ABCA12: variants seen among roughly 807,000 people sequenced by gnomAD.
ABCA12 encodes the protein ATP binding cassette subfamily A member 12.
Under a neutral mutation model 293.5 loss-of-function variants are expected in ABCA12, and 156 were observed. That is an observed-to-expected ratio of 0.53 (90% CI 0.47 to 0.61). The LOEUF (loss-of-function observed/expected upper bound fraction) is 0.61, where lower values mean the gene tolerates loss of function less well. Ranked by LOEUF, ABCA12 falls within the 20% of genes least tolerant of loss-of-function variation. The pLI, the probability that ABCA12 is intolerant of heterozygous loss-of-function variation, is 0.00. For missense variants in ABCA12, 2,797 were observed against 3,090.2 expected, an observed-to-expected ratio of 0.91 and a Z score of 2.25; for synonymous variants, 1,063 against 1,108.0, an observed-to-expected ratio of 0.96 and a Z score of 0.81.
Position 214,990,686 on chromosome 2 carries a change from C to T in ABCA12, c.3624+16G>A, listed in dbSNP as rs1699891578. On this transcript the variant is annotated intron_variant, in intron 24 of 52. Coordinates refer to ENST00000272895, the MANE Select transcript of ABCA12 (RefSeq NM_173076.3). ...ATGGGTAATTTCCCACTCTGCCATT[C>T]CAACGGTTGACTTACCATGAACACT... The T allele has an allele frequency of 1.2e-6, 2 of 1,613,018 alleles. No individual in the cohort carries two copies. Among genetic ancestry groups the T allele is most frequent in the Non-Finnish European group, 1.7e-6 (2 of 1,179,144 alleles).
chr2:214,956,878 T>C, intron 41 of ABCA12, 100 bp from the exon 42 acceptor site: 1 of 767,544 alleles, frequency 1.3e-6, no homozygotes, highest in Non-Finnish European at 2.3e-6. Flanking sequence ...CAAGTTGACC[T>C]AGAAAAATTT....
intron 52 of ABCA12, 31 bp from the exon 53 acceptor site, chr2:214,932,772 T>C: frequency 1.3e-6 from 2 of 1,513,058 alleles, no homozygotes; most frequent in South Asian, 2.2e-5. Flanking sequence ...AAGCCATTAA[T>C]GCCTGGTAAG....
chr2:215,066,773 G>C (rs1701647383), intron 2 of ABCA12, among the ~76,000 whole-genome samples: 2 of 152,148 alleles, frequency 1.3e-5, no homozygotes, highest in Admixed American at 1.3e-4. Context: ...AGCTAACAGA[G>C]TGCCATGCAG....
chr2:214,991,064 T>G (rs1250504377), intron 23 of ABCA12, 33 bp from the exon 24 acceptor site: 2 of 1,575,618 alleles, frequency 1.3e-6, no homozygotes, highest in Non-Finnish European at 1.7e-6. Context: ...GCGCTTGTTA[T>G]GCTGATATTC....
intron 2 of ABCA12, among the ~76,000 whole-genome samples, chr2:215,093,782 A>C (rs1702196610): frequency 6.6e-6 from 1 of 152,062 alleles, no homozygotes; most frequent in Non-Finnish European, 1.5e-5. Context: ...TGAGTCTCCC[A>C]CAATTACCAT....
intron 5 of ABCA12, among the ~76,000 whole-genome samples, chr2:215,051,695 G>A (rs1302304377): frequency 1.3e-5 from 2 of 151,028 alleles, no homozygotes; most frequent in Non-Finnish European, 3.0e-5. Flanking sequence ...GAGAGAGAGA[G>A]AGAGAATAGT....
Position 215,045,857 on chromosome 2 carries a change from A to T in ABCA12, c.852T>A (p.Asp284Glu), listed in dbSNP as rs745456701. 5 of 1,613,540 alleles carry T rather than the reference A, an allele frequency of 3.1e-6. No individual in the cohort carries two copies. Among genetic ancestry groups the T allele is most frequent in the East Asian group, 2.2e-5 (1 of 44,848 alleles). ...QNDTSLSNLFDVLRKANSVLL... is the reference protein window; with the variant it reads ...QNDTSLSNLFEVLRKANSVLL... ...CTTACCTGTTTGCCTTTCGAAGAAC[A>T]TCAAATAGATTGCTTAGTGATGTGT... The change falls in exon 7 of 53, where the codon GAT becomes GAA. Residue 284 changes from aspartate (D) to glutamate (E), a missense_variant. By Grantham distance (45) the Asp-to-Glu change is conservative. Coordinates refer to ENST00000272895, the MANE Select transcript of ABCA12 (RefSeq NM_173076.3).
chr2:215,058,504 T>A (rs1317564361), intron 3 of ABCA12, among the ~76,000 whole-genome samples: 2 of 152,016 alleles, frequency 1.3e-5, no homozygotes, highest in Admixed American at 1.3e-4. Context: ...TCTCAGAGAC[T>A]CTATCTCATA....
intron 2 of ABCA12, among the ~76,000 whole-genome samples, chr2:215,070,863 AAC>A (rs1701722843): frequency 6.6e-6 from 1 of 152,048 alleles, no homozygotes. Context: ...TATGTTTGAA[AAC>A]AAACAAAAGA....
Position 215,047,210 on chromosome 2 carries a change from A to G in ABCA12, c.694-1195T>C, listed in dbSNP as rs1330158227. ...TATGTAAGAAACCTGCATGTCCTAC[A>G]CATGTATCCTGGAACTTAACATTAA... On this transcript the variant is annotated intron_variant, in intron 6 of 52. Transcript: ENST00000272895. Among the ~76,000 whole-genome samples the G allele has an allele frequency of 2.0e-5, 3 of 152,230 alleles. 1 individual carries two copies.
chr2:215,074,747 T>A (rs1187428352), intron 2 of ABCA12, among the ~76,000 whole-genome samples: 2 of 151,902 alleles, frequency 1.3e-5, no homozygotes, highest in Non-Finnish European at 2.9e-5. Flanking sequence ...ATCGAGAACA[T>A]CCTGGTCAAC....
chr2:214,940,160 G>GT (rs1698350364), intron 50 of ABCA12, among the ~76,000 whole-genome samples: 1 of 152,128 alleles, frequency 6.6e-6, no homozygotes, highest in Non-Finnish European at 1.5e-5. Context: ...TTTATTGAGA[G>GT]TTTTTAGCAT....
rs143862919 is a variant in ABCA12, at chr2:215,025,722, C to A, written c.1238G>T (p.Gly413Val). ...TGGAGGAAAGTAATCTTCATAGGAA[C>A]CATTGCGAAGAAAAGATTTTTTAAA... ...IRFKKSFLRN[G>V]SYEDYFPPVP... Residue 413 changes from glycine to valine, a missense_variant, in exon 11 of 53, where the codon GGT (glycine) becomes GTT (valine). Physicochemically the swap from Gly to Val is moderately radical, Grantham distance 109. Around this residue, in one of 3 missense-constraint regions of ABCA12, gnomAD observed 656 missense variants for 638.2 expected, o/e 1.03. Transcript: ENST00000272895. The A allele has an allele frequency of 6.2e-7, 1 of 1,611,204 alleles. No individual in the cohort carries two copies. The highest frequency in any genetic ancestry group is 1.1e-5 in the South Asian group (1 of 90,966).
rs927451250 is a variant in ABCA12 at position 215,010,321 on chromosome 2, A to G, written c.2472+10T>C. ...TAGTCAAAATAGAAACTGAGTTATA[A>G]TGGTCAAACCTTTTCCATTATTGCC... On this transcript the variant is annotated intron_variant, in intron 18 of 52. Coordinates refer to ENST00000272895, the MANE Select transcript of ABCA12 (RefSeq NM_173076.3). 6.2e-7 allele frequency: 1 copy of G among 1,613,428 alleles called. No individual in the cohort carries two copies.
intron 11 of ABCA12, chr2:215,020,608 A>G (rs1197304137): frequency 6.6e-6 from 1 of 152,248 alleles, no homozygotes; most frequent in East Asian, 1.9e-4. Flanking sequence ...GATTAGTTGT[A>G]CAACAATGTG....
intron 2 of ABCA12, among the ~76,000 whole-genome samples, chr2:215,088,073 T>G: frequency 6.6e-6 from 1 of 152,132 alleles, no homozygotes; most frequent in East Asian, 1.9e-4. Flanking sequence ...AAGAGTTAGG[T>G]CATGAAAAAT....
At chr2:215,016,262 G>C (rs1700495710) in intron 14 of ABCA12, among the ~76,000 whole-genome samples, 1 of 151,480 alleles carries the variant, frequency 6.6e-6, no homozygotes. Context: ...GTGGTTTGGA[G>C]TAAGTTTGGG....
At chr2:214,997,579 G>T in intron 23 of ABCA12, 116 bp downstream of exon 23, 2 of 743,202 alleles carry the variant, frequency 2.7e-6, no homozygotes, top group Non-Finnish European at 4.4e-6. Context: ...TTTTCTTTCT[G>T]TTTAATTCAC....
At chr2:215,103,303 C>G (rs1344298163) in intron 2 of ABCA12, among the ~76,000 whole-genome samples, 2 of 120,460 alleles carry the variant, frequency 1.7e-5, no homozygotes, top group East Asian at 5.0e-4. Flanking sequence ...GAGTTTCACT[C>G]TTGTTGCCCA....
Sources: allele counts gnomAD v4.1 joint callset (sites outside exome capture counted in the v4.1 genomes callset), GRCh38; gene constraint gnomAD v4.1.1; regional missense constraint gnomAD v4.1.1; transcripts MANE v1.5; gene names NCBI Gene and HGNC (gene_info 2026-07-23, HGNC 2026-07-21).